Variants in RASGRP3 observed in about 807,000 individuals in gnomAD.
The protein encoded by RASGRP3 is RAS guanyl releasing protein 3.
Under a neutral mutation model 82.7 loss-of-function variants are expected in RASGRP3, and 54 were observed. The observed-to-expected ratio is 0.65, with a 90% CI of 0.52 to 0.82. The LOEUF (loss-of-function observed/expected upper bound fraction) is 0.82. Ranked by LOEUF, RASGRP3 falls within the 40% of genes least tolerant of loss-of-function variation. The pLI is 0.00. For synonymous variants in RASGRP3, 309 were observed against 300.5 expected, an observed-to-expected ratio of 1.03 and a Z score of -0.29; for missense variants, 861 against 828.9, an observed-to-expected ratio of 1.04 and a Z score of -0.48.
At chr2:33,494,374 T>C (rs1204334471) in intron 1 of RASGRP3, among the ~76,000 whole-genome samples, 4 of 152,232 alleles carry the variant, frequency 2.6e-5, no homozygotes, top group African/African-American at 9.6e-5. Flanking sequence ...TTTTCCTTTT[T>C]AGAGTAATAA....
intron 4 of RASGRP3, among the ~76,000 whole-genome samples, chr2:33,517,233 G>A (rs1671555901): frequency 6.6e-6 from 1 of 152,216 alleles, no homozygotes. Context: ...AAGGCTTTTA[G>A]CAGTCTACCA....
At chr2:33,518,308 G>A (rs1671655137) in intron 4 of RASGRP3, among the ~76,000 whole-genome samples, 1 of 152,154 alleles carries the variant, frequency 6.6e-6, no homozygotes. Context: ...GTGGGTATTT[G>A]TGTATCTAAA....
In RASGRP3 at chr2:33,522,008, A is replaced by G. The variant is rs1192352566; in HGVS notation, c.422A>G (p.Lys141Arg). ...RVTQRKKVSK[K>R]GKACLLFDHL... ...ACACAGAGGAAAAAAGTATCCAAGA[A>G]GGGAAAAGCCTGTCTGCTGTTTGAC... The change falls in exon 7 of 18, where the codon AAG becomes AGG. Residue 141 changes from lysine to arginine, a missense_variant. Coordinates refer to ENST00000403687, the MANE Select transcript of RASGRP3 (RefSeq NM_001139488.2). The G allele has an allele frequency of 6.2e-7, 1 of 1,613,912 alleles. No individual in the cohort carries two copies. Among genetic ancestry groups the G allele is most frequent in the East Asian group, 2.2e-5 (1 of 44,874 alleles).
chr2:33,561,774 G>A (rs569950376), intron 17 of RASGRP3, among the ~76,000 whole-genome samples: 3 of 152,178 alleles, frequency 2.0e-5, no homozygotes, highest in East Asian at 1.9e-4. Context: ...TTCCTCCAAC[G>A]GAGTTCCAGG....
chr2:33,532,307 C>T (rs1437253548), intron 10 of RASGRP3: 1 of 152,214 alleles, frequency 6.6e-6, no homozygotes, highest in Non-Finnish European at 1.5e-5. Flanking sequence ...GTTAGGCTGA[C>T]AGCAATTTGT....
At chr2:33,508,251 G>T (rs932874833) in intron 1 of RASGRP3, among the ~76,000 whole-genome samples, 1 of 152,082 alleles carries the variant, frequency 6.6e-6, no homozygotes, top group Non-Finnish European at 1.5e-5. Context: ...TGTTTTAAAT[G>T]ATTTCCCTTG....
intron 1 of RASGRP3, among the ~76,000 whole-genome samples, chr2:33,490,424 G>T (rs1294024170): frequency 6.6e-6 from 1 of 152,206 alleles, no homozygotes; most frequent in Non-Finnish European, 1.5e-5. Context: ...GGTCACCAGT[G>T]ACCTCCTTGT....
intron 1 of RASGRP3, among the ~76,000 whole-genome samples, chr2:33,439,949 C>G (rs951636493): frequency 2.0e-5 from 3 of 152,118 alleles, no homozygotes; most frequent in Non-Finnish European, 4.4e-5. Flanking sequence ...AGAAAGAAGC[C>G]CAATGGAGAC....
intron 2 of RASGRP3, among the ~76,000 whole-genome samples, chr2:33,471,379 G>A (rs923661433): frequency 1.6e-5 from 2 of 128,302 alleles, no homozygotes; most frequent in Non-Finnish European, 3.1e-5. Flanking sequence ...ATGGAGTCTC[G>A]CTATGTTGCC....
chr2:33,539,135 C>T lies in RASGRP3; in HGVS notation c.1203C>T (p.Pro401=), dbSNP rs1673966554. The T allele has an allele frequency of 1.4e-5, 22 of 1,611,614 alleles. No homozygotes were observed. The highest frequency in any genetic ancestry group is 2.7e-5 in the African/African-American group (2 of 74,830). ...CGACGCCCAACAAGCCTGTGGTACC[C>T]CTGGAGTGGGCATTAGGGGTGATGC... is the stretch of plus-strand genomic sequence containing the variant. The part of the protein sequence containing the change: ...SPTTPNKPVV[P]LEWALGVMPK... Residue 401 remains proline (P), a synonymous_variant, in exon 12 of 18, where the codon CCC becomes CCT. Transcript: ENST00000403687.
intron 6 of RASGRP3, among the ~76,000 whole-genome samples, chr2:33,521,656 A>G (rs570879951): frequency 6.6e-6 from 1 of 152,234 alleles, no homozygotes; most frequent in Non-Finnish European, 1.5e-5. Context: ...ATAAACTCCC[A>G]AATTTATATA....
At chr2:33,445,939 A>G (rs1019823299) in intron 1 of RASGRP3, among the ~76,000 whole-genome samples, 4 of 152,168 alleles carry the variant, frequency 2.6e-5, no homozygotes, top group African/African-American at 9.7e-5. Context: ...AAATTTACCA[A>G]CGAAAAATGA....
chr2:33,507,738 C>A (rs1459204559), intron 1 of RASGRP3, among the ~76,000 whole-genome samples: 1 of 152,116 alleles, frequency 6.6e-6, no homozygotes, highest in African/African-American at 2.4e-5. Context: ...GTTGGCCAGG[C>A]TGGTCTCGAA....
At chr2:33,520,192 G>A (rs547198548) in intron 5 of RASGRP3, among the ~76,000 whole-genome samples, 178 bp downstream of exon 5, 1 of 152,222 alleles carries the variant, frequency 6.6e-6, no homozygotes, top group East Asian at 1.9e-4. Flanking sequence ...CTATCTTTTG[G>A]ACTAGAGATC....
intron 5 of RASGRP3, 89 bp downstream of exon 5, chr2:33,520,103 G>A: frequency 9.2e-7 from 1 of 1,084,644 alleles, no homozygotes; most frequent in South Asian, 1.4e-5. Context: ...GACCTAGTTT[G>A]ACAACAGACT....
At chr2:33,496,969 G>A (rs1669386852) in intron 1 of RASGRP3, among the ~76,000 whole-genome samples, 1 of 152,210 alleles carries the variant, frequency 6.6e-6, no homozygotes, top group Non-Finnish European at 1.5e-5. Flanking sequence ...GACATTTCAA[G>A]TGTAAATACA....
At chr2:33,446,070 C>T (rs886691200) in intron 1 of RASGRP3, among the ~76,000 whole-genome samples, 2 of 152,108 alleles carry the variant, frequency 1.3e-5, no homozygotes, top group Admixed American at 6.5e-5. Flanking sequence ...CTTGCCTTTT[C>T]CTGAAGGACA....
chr2:33,521,010 C>T (rs1443089069), intron 6 of RASGRP3, among the ~76,000 whole-genome samples: 1 of 152,212 alleles, frequency 6.6e-6, no homozygotes, highest in Non-Finnish European at 1.5e-5. Context: ...CTTAATGTCT[C>T]TTACACCTTC....
intron 12 of RASGRP3, among the ~76,000 whole-genome samples, chr2:33,542,874 GT>G (rs1674402490): frequency 6.6e-6 from 1 of 151,886 alleles, no homozygotes; most frequent in African/African-American, 2.4e-5. Flanking sequence ...TTTATTTTTA[GT>G]AGCGATGGGG....
Sources: allele counts gnomAD v4.1 joint callset (sites outside exome capture counted in the v4.1 genomes callset), GRCh38; gene constraint gnomAD v4.1.1; transcripts MANE v1.5; gene names NCBI Gene and HGNC (gene_info 2026-07-23, HGNC 2026-07-21).